HM13: variants seen among roughly 807,000 people sequenced by gnomAD.
HM13 encodes histocompatibility minor 13.
Under a neutral mutation model 50.0 loss-of-function variants are expected in HM13, and 18 were observed. The observed-to-expected ratio is 0.36, with a 90% CI of 0.25 to 0.53. The LOEUF (loss-of-function observed/expected upper bound fraction) is 0.53, where lower values mean the gene tolerates loss of function less well. Among genes scored for constraint, HM13 ranks in the 20% least tolerant of loss-of-function variants. The pLI is 0.90. For synonymous variants in HM13, 197 were observed against 232.6 expected (o/e 0.85, Z 1.39); for missense variants, 393 against 552.4 (o/e 0.71, Z 2.89).
At chr20:31,527,012 G>T (rs1982528337) in intron 1 of HM13, among the ~76,000 whole-genome samples, 1 of 152,122 alleles carries the variant, frequency 6.6e-6, no homozygotes, top group African/African-American at 2.4e-5. Context: ...GTTCTCCTTG[G>T]TCTCTTGATC....
At chr20:31,533,310 C>T (rs1426855491) in intron 2 of HM13, among the ~76,000 whole-genome samples, 1 of 152,210 alleles carries the variant, frequency 6.6e-6, no homozygotes, top group African/African-American at 2.4e-5. Context: ...CAAGACCAGC[C>T]TAGCCAACAT....
chr20:31,550,157 C>T, intron 7 of HM13, 36 bp downstream of exon 7: 1 of 1,556,974 alleles, frequency 6.4e-7, no homozygotes. Flanking sequence ...ACCCCTTCCC[C>T]CACCCCTGCC....
intron 8 of HM13, among the ~76,000 whole-genome samples, chr20:31,555,436 C>CAG (rs11472232): frequency 0.31 from 46,904 of 152,028 alleles, 11,947 homozygotes; most frequent in African/African-American, 0.7. Context: ...GGTATGGACA[C>CAG]GGGCCCTGTC....
At chr20:31,528,929 T>C (rs1982652579) in intron 2 of HM13, among the ~76,000 whole-genome samples, 1 of 152,190 alleles carries the variant, frequency 6.6e-6, no homozygotes, top group Admixed American at 6.5e-5. Context: ...TTTTAATAAG[T>C]GTATGTTTAG....
At position 31,568,230 on chromosome 20, in the gene HM13, G is replaced by A; in HGVS notation, c.1181+6G>A. ...CCGCAGAATCCCAGCGCCATGTAAT[G>A]CCCAGCGGGTGCCCACCTGCCCGCT... is the stretch of plus-strand genomic sequence containing the variant. On this transcript the variant is annotated splice_donor_region_variant and intron_variant, in intron 12 of 12. Transcript: ENST00000398174. The A allele has an allele frequency of 6.2e-7, 1 of 1,611,384 alleles. No homozygotes were observed. Among genetic ancestry groups the A allele is most frequent in the East Asian group, 2.2e-5 (1 of 44,848 alleles).
intron 3 of HM13, chr20:31,538,469 A>G (rs1175138645): frequency 1.4e-6 from 2 of 1,417,494 alleles, no homozygotes; most frequent in African/African-American, 2.9e-5. Context: ...AGACATGATG[A>G]GGATCTGGTG....
In HM13 at chr20:31,534,983, G is replaced by A. The variant is rs569323296; in HGVS notation, c.283-3196G>A. On this transcript the variant is annotated intron_variant, in intron 2 of 12. Coordinates refer to ENST00000398174, the MANE Select transcript of HM13 (RefSeq NM_178581.3). ...CGCCTGTAGTCCCAGCTACTCAGGA[G>A]GCTGAGGCAGGAGAGTGGCGTGAAC... Among the ~76,000 whole-genome samples, 10 of 152,176 alleles carry A rather than the reference G, an allele frequency of 6.6e-5. No homozygotes were observed. The South Asian group carries it at 2.1e-3, about 32-fold the overall frequency.
chr20:31,550,406 G>A (rs562853244), intron 7 of HM13: 34 of 406,338 alleles, frequency 8.4e-5, no homozygotes, highest in African/African-American at 3.4e-4. Context: ...GGGGGCACGC[G>A]CAGGGGCTTT....
Position 31,514,671 on chromosome 20 carries a change from G to A in HM13, c.120G>A (p.Leu40=), listed in dbSNP as rs768720169. The change falls in exon 1 of 13, where the codon CTG becomes CTA. Residue 40 remains leucine, a synonymous_variant. Coordinates refer to ENST00000398174, the MANE Select transcript of HM13 (RefSeq NM_178581.3). This position sits in a 1 kb window ranked among gnomAD's most constrained non-coding sequence, Gnocchi z 4.3. ...TCGCGCTGGCCTACGGCAGCCTCCT[G>A]CTCATGGCGCTGCTGCCCATCTTCT... ...EGIALAYGSL[L]LMALLPIFFG... is the part of the protein sequence containing the mutation. The A allele has an allele frequency of 5.2e-5, 81 of 1,558,864 alleles. 1 individual carries two copies. In the South Asian group the frequency reaches 8.1e-4, roughly 16 times the overall value.
intron 1 of HM13, among the ~76,000 whole-genome samples, chr20:31,527,190 T>C (rs911428674): frequency 6.6e-6 from 1 of 152,098 alleles, no homozygotes; most frequent in African/African-American, 2.4e-5. Flanking sequence ...ATACAAAAAT[T>C]AGCTGTGCAT....
Position 31,521,658 on chromosome 20 carries a change from G to A in HM13, c.184-5826G>A, listed in dbSNP as rs548589762. ...ACATGAGAATTGCTTGAACCCAAGA[G>A]GCGGAGGTTGCAGTGAGCCAAGATT... On this transcript the variant is annotated intron_variant, in intron 1 of 12. Transcript: ENST00000398174. 2.6e-3 allele frequency among the ~76,000 whole-genome samples: 390 copies of A among 151,520 alleles called. 2 individuals carry two copies. The highest frequency in any genetic ancestry group is 4.8e-3 in the Non-Finnish European group (323 of 67,928).
intron 8 of HM13, among the ~76,000 whole-genome samples, chr20:31,558,151 GTC>G (rs1318149106): frequency 6.6e-6 from 1 of 152,216 alleles, no homozygotes; most frequent in African/African-American, 2.4e-5. Flanking sequence ...CTTCCGGGAT[GTC>G]TCTTTCTTTT....
At chr20:31,515,794 C>T (rs1208278686) in intron 1 of HM13, among the ~76,000 whole-genome samples, 1 of 152,196 alleles carries the variant, frequency 6.6e-6, no homozygotes, top group Non-Finnish European at 1.5e-5. Flanking sequence ...TTTTCACTTC[C>T]TGGCACCCTC....
chr20:31,543,336 A>T (rs1386274899), intron 3 of HM13, among the ~76,000 whole-genome samples: 1 of 152,110 alleles, frequency 6.6e-6, no homozygotes, highest in Non-Finnish European at 1.5e-5. Flanking sequence ...CCCAGGCTGG[A>T]GTGCAATGGC....
intron 1 of HM13, among the ~76,000 whole-genome samples, chr20:31,522,026 G>A (rs6058022): frequency 0.31 from 47,043 of 151,512 alleles, 12,103 homozygotes; most frequent in African/African-American, 0.71. Context: ...TAAGTCACCC[G>A]CAAAGGAGAC....
At chr20:31,517,179 A>C (rs1981841826) in intron 1 of HM13, among the ~76,000 whole-genome samples, 2 of 152,138 alleles carry the variant, frequency 1.3e-5, no homozygotes, top group Non-Finnish European at 2.9e-5. Flanking sequence ...TTGGACCCCA[A>C]AACCAGTTGG....
chr20:31,568,746 G>T (rs1338431193), intron 12 of HM13, among the ~76,000 whole-genome samples: 1 of 152,210 alleles, frequency 6.6e-6, no homozygotes, highest in Non-Finnish European at 1.5e-5. Flanking sequence ...CATGCTGTGT[G>T]CCCTGGGAGG....
chr20:31,514,600 G>C lies in HM13; in HGVS notation c.49G>C (p.Gly17Arg), dbSNP rs752350092. Residue 17 changes from glycine (G) to arginine (R), a missense_variant, in exon 1 of 13, where the codon GGC becomes CGC. Coordinates refer to ENST00000398174, the MANE Select transcript of HM13 (RefSeq NM_178581.3). This position sits in a 1 kb window ranked among gnomAD's most constrained non-coding sequence, Gnocchi z 4.3. ...GCATAACGGCAGTGCCGAGGCAGGC[G>C]GCCCCACCAACAGCACTACGCGGCC... ...DPHNGSAEAG[G>R]PTNSTTRPPS... The C allele has an allele frequency of 2.8e-5, 45 of 1,601,866 alleles. 1 individual carries two copies. In the South Asian group the frequency reaches 4.0e-4, roughly 14 times the overall value.
In HM13 at chr20:31,514,848, T is replaced by C; in HGVS notation, c.183+114T>C. On this transcript the variant is annotated intron_variant, in intron 1 of 12. Coordinates refer to ENST00000398174, the MANE Select transcript of HM13 (RefSeq NM_178581.3). The surrounding 1 kb of genome is among the most constrained non-coding windows in gnomAD (Gnocchi z 4.3). ...CCCGGACACTGACTCTTCCCAGCCC[T>C]GATCACCACCGTTCCCTCTGTCTCG... The C allele has an allele frequency of 9.6e-7, 1 of 1,043,938 alleles. No individual in the cohort carries two copies. The highest frequency in any genetic ancestry group is 1.3e-6 in the Non-Finnish European group (1 of 752,490). 64.7% of individuals were successfully genotyped at this position (1,043,938 alleles called of 1,614,324 possible).
Sources: allele counts gnomAD v4.1 joint callset (sites outside exome capture counted in the v4.1 genomes callset), GRCh38; gene constraint gnomAD v4.1.1; non-coding constraint Gnocchi (gnomAD v3.1); transcripts MANE v1.5; gene names NCBI Gene and HGNC (gene_info 2026-07-23, HGNC 2026-07-21).